PCDH7: variants seen among roughly 807,000 people sequenced by gnomAD.
The protein encoded by PCDH7 is protocadherin 7, also known as protocadherin-7.
In PCDH7, 17 loss-of-function variants were observed where a neutral mutation model predicts 58.9. That is an observed-to-expected ratio of 0.29 (90% CI 0.20 to 0.43). The LOEUF (loss-of-function observed/expected upper bound fraction) is 0.43. Ranked by LOEUF, PCDH7 falls within the 20% of genes least tolerant of loss-of-function variation. The pLI, the probability that PCDH7 is intolerant of heterozygous loss-of-function variation, is 1.00. For synonymous variants in PCDH7, 664 were observed against 616.4 expected (o/e 1.08, Z -1.14); for missense variants, 1,274 against 1,441.0 (o/e 0.88, Z 1.88).
chr4:31,008,042 G>A (rs1358588519), intron 3 of PCDH7, among the ~76,000 whole-genome samples: 2 of 152,012 alleles, frequency 1.3e-5, no homozygotes, highest in African/African-American at 4.8e-5. Flanking sequence ...ATGAAAAGTC[G>A]ACAATAAACA....
intron 1 of PCDH7, among the ~76,000 whole-genome samples, chr4:30,811,903 A>C (rs1372008988): frequency 1.3e-5 from 2 of 152,150 alleles, no homozygotes; most frequent in Admixed American, 1.3e-4. Flanking sequence ...GGAGAATAGG[A>C]GGGTTTTTTA....
At chr4:31,123,619 G>C (rs75031775) in intron 3 of PCDH7, among the ~76,000 whole-genome samples, 1,855 of 152,282 alleles carry the variant, frequency 0.012, 19 homozygotes, top group Middle Eastern at 0.024. Context: ...TGCTCTTTTA[G>C]CTTTGCTGTT....
intron 1 of PCDH7, among the ~76,000 whole-genome samples, chr4:30,764,576 G>A (rs957742008): frequency 6.6e-6 from 1 of 152,116 alleles, no homozygotes; most frequent in Non-Finnish European, 1.5e-5. Flanking sequence ...TGAAAGAAAC[G>A]AAGTTTGTAA....
At chr4:30,969,542 C>T (rs1749365019) in intron 3 of PCDH7, among the ~76,000 whole-genome samples, 1 of 151,986 alleles carries the variant, frequency 6.6e-6, no homozygotes, top group Non-Finnish European at 1.5e-5. Flanking sequence ...AGAGGTTGTC[C>T]AAATATAGAA....
intron 1 of PCDH7, among the ~76,000 whole-genome samples, chr4:30,745,268 G>A (rs751228): frequency 0.02 from 2,998 of 150,748 alleles, 112 homozygotes; most frequent in Admixed American, 0.094. Context: ...TTTATGAATT[G>A]GTTGTAGAGG....
chr4:30,886,041 C>T (rs764715942), intron 1 of PCDH7, among the ~76,000 whole-genome samples: 1,613 of 151,814 alleles, frequency 0.011, 17 homozygotes, highest in Non-Finnish European at 0.016. Flanking sequence ...CTAGGCATTA[C>T]CATTCAGGAC....
At chr4:30,975,425 A>G (rs28414371) in intron 3 of PCDH7, among the ~76,000 whole-genome samples, 44,434 of 151,914 alleles carry the variant, frequency 0.29, 7,456 homozygotes, top group African/African-American at 0.47. Context: ...CACACGAGCA[A>G]AATCATTATT....
At chr4:30,739,196 A>G (rs1467739432) in intron 1 of PCDH7, among the ~76,000 whole-genome samples, 1 of 141,356 alleles carries the variant, frequency 7.1e-6, no homozygotes. Context: ...GTGCTGTAGG[A>G]GTGATGACTT....
At chr4:31,033,044 T>C (rs1755094631) in intron 3 of PCDH7, among the ~76,000 whole-genome samples, 1 of 152,204 alleles carries the variant, frequency 6.6e-6, no homozygotes, top group South Asian at 2.1e-4. Flanking sequence ...CATAGTGTGT[T>C]GGTAAGCATT....
At chr4:30,784,184 A>T (rs1330449264) in intron 1 of PCDH7, among the ~76,000 whole-genome samples, 8 of 152,224 alleles carry the variant, frequency 5.3e-5, no homozygotes, top group African/African-American at 1.9e-4. Flanking sequence ...CATTCTGGTA[A>T]CATCCAGTTC....
intron 3 of PCDH7, among the ~76,000 whole-genome samples, chr4:31,050,247 A>G (rs997712157): frequency 6.6e-6 from 1 of 152,146 alleles, no homozygotes; most frequent in African/African-American, 2.4e-5. Flanking sequence ...ATCAATTTCG[A>G]GAAAAAACTT....
chr4:31,016,957 GTGTT>G (rs928651647), intron 3 of PCDH7, among the ~76,000 whole-genome samples: 1 of 151,140 alleles, frequency 6.6e-6, no homozygotes, highest in Admixed American at 6.6e-5. Flanking sequence ...GTGTGTGTAT[GTGTT>G]TGTGTGTGTG....
Position 31,066,376 on chromosome 4 carries a change from C to G in PCDH7, c.*8-76097C>G, listed in dbSNP as rs139475822. ...AGGATAAATATATTAAGTCACCCCT[C>G]CTTCAAAAAAAGACTTAGATCTATC... On this transcript the variant is annotated intron_variant, in intron 3 of 3. Transcript: ENST00000509759. 1.3e-3 allele frequency among the ~76,000 whole-genome samples: 200 copies of G among 151,836 alleles called. 5 individuals carry two copies. In the South Asian group the frequency reaches 0.024, roughly 18 times the overall value.
At chr4:30,998,818 A>G (rs1435264135) in intron 3 of PCDH7, among the ~76,000 whole-genome samples, 1 of 152,130 alleles carries the variant, frequency 6.6e-6, no homozygotes, top group African/African-American at 2.4e-5. Context: ...ATTACATGAG[A>G]TAAGATATAT....
In PCDH7 at chr4:30,741,524, G is replaced by T. The variant is rs1369301255; in HGVS notation, c.70+16928G>T. ...TAAATATTAAAACATTGCCACCATT[G>T]CATTTTTTCCTAGGAATGGAAATAA... On this transcript the variant is annotated intron_variant, in intron 1 of 3. Transcript: ENST00000509759. Among the ~76,000 whole-genome samples, 3 of 152,072 alleles carry T rather than the reference G, an allele frequency of 2.0e-5. 1 individual carries two copies. The highest frequency in any genetic ancestry group is 1.3e-4 in the Admixed American group (2 of 15,268).
intron 3 of PCDH7, among the ~76,000 whole-genome samples, chr4:31,017,888 CT>C (rs1159022493): frequency 2.6e-5 from 4 of 151,834 alleles, no homozygotes; most frequent in South Asian, 4.2e-4. Context: ...TACAGGACTT[CT>C]TTTTTTTCTG....
chr4:30,959,836 G>T (rs1158190326), intron 3 of PCDH7, among the ~76,000 whole-genome samples: 1 of 152,004 alleles, frequency 6.6e-6, no homozygotes, highest in South Asian at 2.1e-4. Flanking sequence ...CTTCCACTTT[G>T]AATTAATAAT....
intron 3 of PCDH7, among the ~76,000 whole-genome samples, chr4:31,132,287 C>T (rs1010457618): frequency 6.6e-6 from 1 of 152,054 alleles, no homozygotes; most frequent in East Asian, 1.9e-4. Context: ...CATTTTTCCC[C>T]CATCTTTTTA....
chr4:30,852,246 GA>G (rs1732859434), intron 1 of PCDH7, among the ~76,000 whole-genome samples: 1 of 152,048 alleles, frequency 6.6e-6, no homozygotes, highest in South Asian at 2.1e-4. Flanking sequence ...CCAAGCTACA[GA>G]AACACATCGG....
Sources: allele counts gnomAD v4.1 joint callset (sites outside exome capture counted in the v4.1 genomes callset), GRCh38; gene constraint gnomAD v4.1.1; transcripts MANE v1.5; gene names NCBI Gene and HGNC (gene_info 2026-07-23, HGNC 2026-07-21).